The following ZSCAN30 variants were observed in gnomAD, a reference collection of about 807,000 sequenced individuals.
ZSCAN30 encodes the protein zinc finger and SCAN domain containing 30.
A neutral mutation model predicts 44.3 loss-of-function variants in ZSCAN30; 37 were observed. That is an observed-to-expected ratio of 0.84 (90% CI 0.64 to 1.10). The LOEUF (loss-of-function observed/expected upper bound fraction) is 1.10. Among genes scored for constraint, ZSCAN30 ranks in the 50% least tolerant of loss-of-function variants. The pLI is 0.00. For missense variants in ZSCAN30, 549 were observed against 582.6 expected, an observed-to-expected ratio of 0.94 and a Z score of 0.59; for synonymous variants, 181 against 204.6, an observed-to-expected ratio of 0.88 and a Z score of 0.98.
rs372226342 is a variant in ZSCAN30 at position 35,254,153 on chromosome 18, G to A, written c.782C>T (p.Thr261Ile). The change falls in exon 4 of 4, where the codon ACC becomes ATC. Residue 261 changes from threonine (T) to isoleucine (I), a missense_variant. Transcript: ENST00000333206. ...TTCTGTGGGGATTCTTCTGTTGAAGGTTGCCAGACTGAAATGTCTGTCCTG... is the reference window on the plus strand; with the variant it reads ...TTCTGTGGGGATTCTTCTGTTGAAGATTGCCAGACTGAAATGTCTGTCCTG... ...PSQDRHFSLA[T>I]FNRRIPTEHS... 1.2e-6 allele frequency: 2 copies of A among 1,614,058 alleles called. No individual in the cohort carries two copies.
intron 3 of ZSCAN30, chr18:35,261,161 T>C (rs1021123321): frequency 5.3e-5 from 8 of 152,210 alleles, no homozygotes; most frequent in Admixed American, 5.2e-4. Flanking sequence ...CAAGTGGTTG[T>C]AGATGTGCAG....
intron 1 of ZSCAN30, chr18:35,284,771 G>C (rs1346776662): frequency 1.9e-5 from 3 of 155,046 alleles, no homozygotes; most frequent in African/African-American, 7.2e-5. Context: ...AGGAGGTGGG[G>C]GATGCAGGAA....
At position 35,266,072 on chromosome 18, in the gene ZSCAN30, G is replaced by A. The variant is rs115086266; in HGVS notation, c.-103-1617C>T. ...GACCAGATTAATGGCTGTCACTTCT[G>A]ACTACGGCTCAAAATCAGCCATGAA... On this transcript the variant is annotated intron_variant, in intron 1 of 3. Transcript: ENST00000333206. Among the ~76,000 whole-genome samples the A allele has an allele frequency of 5.5e-4, 83 of 152,288 alleles. 1 individual carries two copies. The highest frequency in any genetic ancestry group is 2.0e-3 in the African/African-American group (83 of 41,558).
intron 3 of ZSCAN30, chr18:35,257,949 GTCAATAAA>G (rs2043896858): frequency 1.3e-6 from 1 of 780,840 alleles, no homozygotes; most frequent in African/African-American, 1.7e-5. Context: ...AGAACACATC[GTCAATAAA>G]TCACCTGCAC....
intron 1 of ZSCAN30, among the ~76,000 whole-genome samples, chr18:35,279,588 G>A (rs1173482643): frequency 1.3e-5 from 2 of 152,174 alleles, no homozygotes; most frequent in Non-Finnish European, 2.9e-5. Context: ...CATAGTACTG[G>A]AGGCTGGAAA....
chr18:35,279,392 T>G (rs1237410841), intron 1 of ZSCAN30, among the ~76,000 whole-genome samples: 2 of 152,236 alleles, frequency 1.3e-5, no homozygotes, highest in Non-Finnish European at 2.9e-5. Flanking sequence ...TGCATTCTCC[T>G]CTGTCTCCTC....
intron 3 of ZSCAN30, chr18:35,261,348 T>A (rs1175285527): frequency 1.3e-5 from 2 of 152,222 alleles, no homozygotes; most frequent in Non-Finnish European, 2.9e-5. Context: ...CTTTTTTTTG[T>A]ACCATATGAA....
intron 3 of ZSCAN30, chr18:35,256,136 T>A (rs2043803523): frequency 6.6e-6 from 1 of 152,410 alleles, no homozygotes; most frequent in Non-Finnish European, 1.5e-5. Context: ...AGAGAAAAAT[T>A]TTGTCCTCAG....
At position 35,270,931 on chromosome 18, in the gene ZSCAN30, T is replaced by C. The variant is rs1469232175; in HGVS notation, c.-103-6476A>G. Among the ~76,000 whole-genome samples, 4 of 152,298 alleles carry C rather than the reference T, an allele frequency of 2.6e-5. No individual in the cohort carries two copies. In the East Asian group the frequency reaches 7.7e-4, roughly 29 times the overall value. ...GCTTCAGGAGTGAAGCTGCAGAACT[T>C]TGCAGTGAGTGTTAACAACTCTTAA... is the stretch of plus-strand genomic sequence containing the variant. On this transcript the variant is annotated intron_variant, in intron 1 of 3. Transcript: ENST00000333206.
intron 3 of ZSCAN30, chr18:35,260,510 A>G (rs750810779): frequency 2.0e-5 from 3 of 152,140 alleles, no homozygotes; most frequent in African/African-American, 4.8e-5. Context: ...CCTCCACAGC[A>G]TTGCCAGCAT....
rs751056342 is a variant in ZSCAN30, at chr18:35,253,102, G to C, written c.*348C>G. 5.3e-6 allele frequency: 1 copy of C among 187,956 alleles called. No homozygotes were observed. The highest frequency in any genetic ancestry group is 1.1e-5 in the Non-Finnish European group (1 of 91,424). The allele number at this position is 187,956 out of a possible 1,614,324, so 11.6% of individuals were successfully genotyped here. A position where few individuals can be genotyped will look rare whatever the true frequency, so the allele number is the denominator to read the frequency against. ...TGCCATCTTATAAGAAGCTCTTTCA[G>C]GATCTCTGCCCCAATCCTGGCATTA... On this transcript the variant is annotated 3_prime_UTR_variant, in exon 4 of 4. Transcript: ENST00000333206.
intron 1 of ZSCAN30, chr18:35,267,518 G>A (rs1005815795): frequency 1.3e-5 from 2 of 152,092 alleles, no homozygotes; most frequent in Non-Finnish European, 2.9e-5. Flanking sequence ...CCCCGGGAGC[G>A]AGAACAATGC....
intron 3 of ZSCAN30, chr18:35,255,751 C>A (rs2043787489): frequency 6.5e-6 from 1 of 154,336 alleles, no homozygotes; most frequent in Non-Finnish European, 1.5e-5. Context: ...TTTCCCCATT[C>A]CTTACCAGAA....
intron 1 of ZSCAN30, among the ~76,000 whole-genome samples, chr18:35,265,219 C>T (rs1018717915): frequency 6.6e-6 from 1 of 152,094 alleles, no homozygotes; most frequent in African/African-American, 2.4e-5. Flanking sequence ...AGCCAGGGAG[C>T]AGCAGAACTG....
At position 35,254,203 on chromosome 18, in the gene ZSCAN30, C is replaced by T. The variant is rs1268418288; in HGVS notation, c.732G>A (p.Gly244=). 6.2e-7 allele frequency: 1 copy of T among 1,614,002 alleles called. No individual in the cohort carries two copies. The highest frequency in any genetic ancestry group is 1.3e-5 in the African/African-American group (1 of 74,896). The change falls in exon 4 of 4, where the codon GGG becomes GGA. Residue 244 remains glycine, a synonymous_variant. Transcript: ENST00000333206. ...NSKKQKGNAA[G]NKISQLPSQD... is the part of the protein sequence containing the mutation. ...GGGAAGGAAGCTGACTGATTTTGTT[C>T]CCTGCAGCATTTCCCTTTTGCTTCT...
chr18:35,256,770 T>C (rs1190939735), intron 3 of ZSCAN30, among the ~76,000 whole-genome samples: 1 of 151,088 alleles, frequency 6.6e-6, no homozygotes, highest in Non-Finnish European at 1.5e-5. Context: ...TTTGTTGTTG[T>C]TGTTGTTGTT....
chr18:35,275,491 A>T (rs2044353335), intron 1 of ZSCAN30, among the ~76,000 whole-genome samples: 4 of 152,174 alleles, frequency 2.6e-5, no homozygotes, highest in Admixed American at 2.6e-4. Context: ...GAATGTCCTC[A>T]GTTTCCCACT....
Position 35,254,176 on chromosome 18 carries a change from C to T in ZSCAN30, c.759G>A (p.Gln253=). ...AGNKISQLPS[Q]DRHFSLATFN... ...AGGTTGCCAGACTGAAATGTCTGTC[C>T]TGGGAAGGAAGCTGACTGATTTTGT... Residue 253 remains glutamine, a synonymous_variant, in exon 4 of 4, where the codon CAG becomes CAA. Coordinates refer to ENST00000333206, the MANE Select transcript of ZSCAN30 (RefSeq NM_001112734.4). The T allele has an allele frequency of 1.2e-6, 2 of 1,614,136 alleles. No homozygotes were observed. The highest frequency in any genetic ancestry group is 1.7e-6 in the Non-Finnish European group (2 of 1,179,998).
At chr18:35,276,336 C>T (rs1767644470) in intron 1 of ZSCAN30, among the ~76,000 whole-genome samples, 1 of 151,638 alleles carries the variant, frequency 6.6e-6, no homozygotes, top group African/African-American at 2.4e-5. Flanking sequence ...CTTTATTATA[C>T]ATCTATTCAC....
Sources: gnomAD v4.1 joint callset for allele counts (sites outside exome capture counted in the v4.1 genomes callset) on GRCh38, gnomAD v4.1.1 for gene constraint, MANE v1.5 for transcripts, NCBI Gene and HGNC (gene_info 2026-07-23, HGNC 2026-07-21) for gene names.